Variants in SPOCK1 observed in about 807,000 individuals in gnomAD.
The protein encoded by SPOCK1 is testican-1.
In SPOCK1, 23 loss-of-function variants were observed where a neutral mutation model predicts 55.3. The observed-to-expected ratio is 0.42, with a 90% confidence interval of 0.30 to 0.59. The LOEUF is 0.59. SPOCK1 is among the 20% of genes least tolerant of loss of function. The pLI is 0.22. For missense variants in SPOCK1, 499 were observed against 552.5 expected (o/e 0.90, Z 0.97); for synonymous variants, 226 against 221.0 (o/e 1.02, Z -0.20).
At chr5:137,108,508 C>T (rs1753407603) in intron 5 of SPOCK1, among the ~76,000 whole-genome samples, 1 of 152,142 alleles carries the variant, frequency 6.6e-6, no homozygotes, top group African/African-American at 2.4e-5. Flanking sequence ...CCTTTATCTT[C>T]CAATAGAAGT....
chr5:137,168,714 G>A (rs3885096), intron 3 of SPOCK1, among the ~76,000 whole-genome samples: 85 of 152,206 alleles, frequency 5.6e-4, no homozygotes, highest in African/African-American at 1.8e-3. Flanking sequence ...AAATGCTGGC[G>A]AGGATGTGAA....
At chr5:137,250,624 G>A (rs78772195) in intron 3 of SPOCK1, among the ~76,000 whole-genome samples, 1 of 152,154 alleles carries the variant, frequency 6.6e-6, no homozygotes, top group African/African-American at 2.4e-5. Context: ...CCTGTGTGCA[G>A]AGGCTTGGGA....
intron 2 of SPOCK1, among the ~76,000 whole-genome samples, chr5:137,273,023 G>C (rs1263694818): frequency 1.3e-5 from 2 of 152,128 alleles, no homozygotes; most frequent in African/African-American, 4.8e-5. Context: ...AAATTGGTCT[G>C]ACATTTGGTT....
chr5:136,988,667 A>C, intron 7 of SPOCK1, 24 bp from the exon 8 acceptor site: 138 of 1,588,296 alleles, frequency 8.7e-5, no homozygotes, highest in Non-Finnish European at 1.1e-4. Flanking sequence ...GGCATATCTC[A>C]GCTGCCACCA....
chr5:137,103,308 C>CTTTCCTAT (rs763280410), intron 5 of SPOCK1, among the ~76,000 whole-genome samples: 2 of 152,194 alleles, frequency 1.3e-5, no homozygotes, highest in Non-Finnish European at 2.9e-5. Flanking sequence ...AATAATGTAA[C>CTTTCCTAT]TTTCCTATTT....
chr5:136,998,749 G>A (rs1354248689), intron 6 of SPOCK1, among the ~76,000 whole-genome samples: 1 of 152,210 alleles, frequency 6.6e-6, no homozygotes, highest in Non-Finnish European at 1.5e-5. Context: ...TGGAAGAACT[G>A]CGAACAGCCT....
chr5:137,283,331 T>C (rs1463443399), intron 2 of SPOCK1, among the ~76,000 whole-genome samples: 6 of 152,216 alleles, frequency 3.9e-5, no homozygotes, highest in Non-Finnish European at 7.3e-5. Context: ...AAGCCTGAAG[T>C]GACAAACTTC....
At chr5:137,030,152 C>T (rs769035536) in intron 6 of SPOCK1, among the ~76,000 whole-genome samples, 26 of 152,322 alleles carry the variant, frequency 1.7e-4, no homozygotes, top group Non-Finnish European at 3.5e-4. Flanking sequence ...TAATACACAG[C>T]CTGGCACACT....
At chr5:137,311,746 CTG>C (rs1258332886) in intron 2 of SPOCK1, among the ~76,000 whole-genome samples, 6 of 152,004 alleles carry the variant, frequency 3.9e-5, no homozygotes, top group Non-Finnish European at 7.3e-5. Flanking sequence ...GGAAGAATCA[CTG>C]TTAACATTTT....
At chr5:137,406,742 C>T (rs1234927436) in intron 2 of SPOCK1, among the ~76,000 whole-genome samples, 3 of 152,218 alleles carry the variant, frequency 2.0e-5, no homozygotes, top group Non-Finnish European at 4.4e-5. Context: ...CTTTAAATCC[C>T]AGCTCCTCTA....
intron 2 of SPOCK1, among the ~76,000 whole-genome samples, chr5:137,421,335 C>T (rs1752489623): frequency 6.6e-6 from 1 of 152,130 alleles, no homozygotes; most frequent in Non-Finnish European, 1.5e-5. Flanking sequence ...GAGCTGAATT[C>T]AATTCCTGGA....
At chr5:137,488,894 T>G (rs1754117387) in intron 2 of SPOCK1, among the ~76,000 whole-genome samples, 1 of 152,166 alleles carries the variant, frequency 6.6e-6, no homozygotes, top group South Asian at 2.1e-4. Flanking sequence ...TACAAATCCT[T>G]GTATAATATG....
chr5:137,051,477 T>C (rs773053280), intron 6 of SPOCK1, among the ~76,000 whole-genome samples: 1 of 152,132 alleles, frequency 6.6e-6, no homozygotes, highest in Non-Finnish European at 1.5e-5. Context: ...AATAGAAACA[T>C]AGGTGAAATT....
intron 2 of SPOCK1, among the ~76,000 whole-genome samples, chr5:137,494,735 T>C (rs574138932): frequency 6.6e-6 from 1 of 152,328 alleles, no homozygotes; most frequent in African/African-American, 2.4e-5. Context: ...AAAGAAGAGA[T>C]TACATGTATT....
At chr5:137,115,714 C>G (rs944901918) in intron 4 of SPOCK1, among the ~76,000 whole-genome samples, 2 of 152,150 alleles carry the variant, frequency 1.3e-5, no homozygotes, top group African/African-American at 2.4e-5. Context: ...TTGCTTACCT[C>G]CACAAGGTAG....
At chr5:137,377,320 A>C (rs1580893299) in intron 2 of SPOCK1, among the ~76,000 whole-genome samples, 1 of 152,284 alleles carries the variant, frequency 6.6e-6, no homozygotes, top group Admixed American at 6.5e-5. Context: ...ACAGGGTAGA[A>C]ATTTGTGTGG....
chr5:137,176,088 C>A (rs1478887403), intron 3 of SPOCK1, among the ~76,000 whole-genome samples: 3 of 152,150 alleles, frequency 2.0e-5, no homozygotes, highest in African/African-American at 7.2e-5. Context: ...TTTACTTTAT[C>A]TTCCTAATGA....
intron 2 of SPOCK1, among the ~76,000 whole-genome samples, chr5:137,305,495 A>G (rs1757685999): frequency 1.3e-5 from 2 of 152,318 alleles, no homozygotes; most frequent in East Asian, 3.9e-4. Flanking sequence ...ACTCCCTGAG[A>G]TAGGGCTGGA....
chr5:137,173,692 G>C (rs915129306), intron 3 of SPOCK1, among the ~76,000 whole-genome samples: 1 of 152,126 alleles, frequency 6.6e-6, no homozygotes, highest in Non-Finnish European at 1.5e-5. Flanking sequence ...TGGCATATGA[G>C]GTCAGAACTT....
Sources: allele counts gnomAD v4.1 joint callset (sites outside exome capture counted in the v4.1 genomes callset), GRCh38; gene constraint gnomAD v4.1.1; transcripts MANE v1.5; gene names NCBI Gene and HGNC (gene_info 2026-07-23, HGNC 2026-07-21).